Variants in POU2F1 observed in about 807,000 individuals in gnomAD.
POU2F1 encodes POU domain, class 2, transcription factor 1.
Under a neutral mutation model 84.9 loss-of-function variants are expected in POU2F1, and 16 were observed. That is an observed-to-expected ratio of 0.19 (90% CI 0.13 to 0.29). POU2F1 has a LOEUF of 0.29. Ranked by LOEUF, POU2F1 falls within the 10% of genes least tolerant of loss-of-function variation. The pLI is 1.00. For synonymous variants in POU2F1, 368 were observed against 368.3 expected, an observed-to-expected ratio of 1.00 and a Z score of 0.01; for missense variants, 738 against 942.6, an observed-to-expected ratio of 0.78 and a Z score of 2.84.
chr1:167,317,031 A>G (rs1158050726), intron 1 of POU2F1, among the ~76,000 whole-genome samples: 2 of 152,172 alleles, frequency 1.3e-5, no homozygotes, highest in Admixed American at 6.5e-5. Context: ...AGCTGGGACT[A>G]TAGGCGTGCA....
intron 13 of POU2F1, among the ~76,000 whole-genome samples, chr1:167,406,652 A>G (rs907967172): frequency 6.6e-6 from 1 of 152,236 alleles, no homozygotes; most frequent in African/African-American, 2.4e-5. Context: ...GGACTAATCA[A>G]TAAATTCAGT....
chr1:167,299,695 G>GTTTTTTGTTTT (rs1553204500), intron 1 of POU2F1, among the ~76,000 whole-genome samples: 137 of 139,394 alleles, frequency 9.8e-4, no homozygotes, highest in African/African-American at 3.8e-3. Context: ...GGAGACCAGA[G>GTTTTTTGTTTT]TTTTTTTTTT....
intron 15 of POU2F1, chr1:167,414,754 C>T (rs1216598868): frequency 1.0e-6 from 1 of 970,240 alleles, no homozygotes; most frequent in African/African-American, 1.8e-5. Flanking sequence ...TTGCACAAGT[C>T]ATAGAAATCA....
chr1:167,391,393 T>C (rs1648389434), intron 9 of POU2F1, among the ~76,000 whole-genome samples: 1 of 152,218 alleles, frequency 6.6e-6, no homozygotes. Context: ...TTCCAGGGAA[T>C]ATAATTTAAA....
At chr1:167,287,811 G>A (rs1310565881) in intron 1 of POU2F1, among the ~76,000 whole-genome samples, 2 of 152,230 alleles carry the variant, frequency 1.3e-5, no homozygotes, top group African/African-American at 2.4e-5. Context: ...AACTCCAAGC[G>A]AGATAGGTAA....
intron 7 of POU2F1, among the ~76,000 whole-genome samples, chr1:167,382,895 T>C (rs1301065073): frequency 1.3e-5 from 2 of 152,190 alleles, no homozygotes; most frequent in Non-Finnish European, 2.9e-5. Context: ...AGTGATAAAT[T>C]CTATGGCTAA....
intron 9 of POU2F1, 95 bp from the exon 10 acceptor site, chr1:167,396,191 A>G: frequency 2.9e-6 from 4 of 1,386,270 alleles, no homozygotes; most frequent in Non-Finnish European, 3.0e-6. Context: ...TGTCTAAAGC[A>G]GTTATTGGAG....
intron 1 of POU2F1, among the ~76,000 whole-genome samples, chr1:167,304,204 A>G (rs982255535): frequency 3.9e-5 from 6 of 152,198 alleles, no homozygotes; most frequent in Admixed American, 2.0e-4. Context: ...GATGTTTCAC[A>G]TGGATTTTTC....
At chr1:167,330,067 A>G (rs1402610348) in intron 1 of POU2F1, among the ~76,000 whole-genome samples, 1 of 152,186 alleles carries the variant, frequency 6.6e-6, no homozygotes, top group African/African-American at 2.4e-5. Context: ...ATTTTTAGAT[A>G]TATGGTGGCT....
At chr1:167,377,992 A>C (rs1660441330) in intron 7 of POU2F1, among the ~76,000 whole-genome samples, 1 of 152,110 alleles carries the variant, frequency 6.6e-6, no homozygotes, top group Non-Finnish European at 1.5e-5. Context: ...GCTATTGTGA[A>C]TAGTGCTGCA....
chr1:167,314,806 T>C (rs1655763474), intron 1 of POU2F1, among the ~76,000 whole-genome samples: 1 of 152,112 alleles, frequency 6.6e-6, no homozygotes, highest in Non-Finnish European at 1.5e-5. Flanking sequence ...CTAAACCTAA[T>C]ACACATAGAG....
chr1:167,293,006 C>G (rs768767972), intron 1 of POU2F1, among the ~76,000 whole-genome samples: 1 of 152,060 alleles, frequency 6.6e-6, no homozygotes, highest in Non-Finnish European at 1.5e-5. Flanking sequence ...GGACTTTTAC[C>G]TTAAATTAGT....
At chr1:167,353,349 CTTT>C (rs769922058) in intron 2 of POU2F1, among the ~76,000 whole-genome samples, 1 of 142,012 alleles carries the variant, frequency 7.0e-6, no homozygotes. Flanking sequence ...CTACCTTCTC[CTTT>C]TTTTTTTTTT....
chr1:167,337,636 C>T (rs1319063408), intron 2 of POU2F1, among the ~76,000 whole-genome samples: 2 of 151,460 alleles, frequency 1.3e-5, no homozygotes, highest in African/African-American at 4.9e-5. Context: ...TGTGGTGGCT[C>T]ACACCTGTAA....
chr1:167,322,973 C>A (rs925648111), intron 1 of POU2F1, among the ~76,000 whole-genome samples: 2 of 152,194 alleles, frequency 1.3e-5, no homozygotes, highest in African/African-American at 4.8e-5. Flanking sequence ...CAACCTTCAG[C>A]ATGGGCGTCG....
chr1:167,389,999 C>A (rs565909867), intron 9 of POU2F1, among the ~76,000 whole-genome samples: 4 of 152,072 alleles, frequency 2.6e-5, no homozygotes, highest in African/African-American at 9.7e-5. Context: ...TTATAAGTAA[C>A]GTAGAGATGA....
At chr1:167,276,368 T>A (rs1652729057) in intron 1 of POU2F1, among the ~76,000 whole-genome samples, 1 of 152,184 alleles carries the variant, frequency 6.6e-6, no homozygotes. Flanking sequence ...GTAGTGATGC[T>A]GACATATTAT....
intron 1 of POU2F1, among the ~76,000 whole-genome samples, chr1:167,259,127 G>C (rs1651363835): frequency 6.6e-6 from 1 of 152,214 alleles, no homozygotes; most frequent in African/African-American, 2.4e-5. Flanking sequence ...AGCAGAGACA[G>C]CTTGTTTCTG....
chr1:167,332,718 C>T (rs1255528766), intron 2 of POU2F1, among the ~76,000 whole-genome samples, 183 bp downstream of exon 2: 1 of 152,198 alleles, frequency 6.6e-6, no homozygotes. Flanking sequence ...TAACTTTCTT[C>T]TGCAGGCAGC....
Sources: gnomAD v4.1 joint callset for allele counts (sites outside exome capture counted in the v4.1 genomes callset) on GRCh38, gnomAD v4.1.1 for gene constraint, MANE v1.5 for transcripts, NCBI Gene and HGNC (gene_info 2026-07-23, HGNC 2026-07-21) for gene names.